The following RBFOX3 variants were observed in gnomAD, a reference collection of about 807,000 sequenced individuals.
The protein encoded by RBFOX3 is RNA binding protein fox-1 homolog 3.
Under a neutral mutation model 48.7 loss-of-function variants are expected in RBFOX3, and 17 were observed. The ratio of observed to expected loss-of-function variants is 0.35; its 90% confidence interval spans 0.24 to 0.52. The LOEUF is 0.52. Ranked by LOEUF, RBFOX3 falls within the 20% of genes least tolerant of loss-of-function variation. The pLI is 0.94. For synonymous variants in RBFOX3, 212 were observed against 209.5 expected, an observed-to-expected ratio of 1.01 and a Z score of -0.10; for missense variants, 382 against 497.5, an observed-to-expected ratio of 0.77 and a Z score of 2.21.
At chr17:79,160,143 A>T (rs77688980) in intron 4 of RBFOX3, among the ~76,000 whole-genome samples, 39,690 of 152,224 alleles carry the variant, frequency 0.26, 5,418 homozygotes, top group African/African-American at 0.36. Flanking sequence ...CTGTGAGTAG[A>T]TGAAGCTGGG....
At chr17:79,234,721 C>CTGTTTTTTTTT (rs2061429492) in intron 4 of RBFOX3, 1 of 61,828 alleles carries the variant, frequency 1.6e-5, no homozygotes, top group African/African-American at 8.0e-5. Context: ...GCATTAAGTG[C>CTGTTTTTTTTT]TTTTTTTTTT....
chr17:79,322,858 G>A (rs1421555765), intron 2 of RBFOX3, among the ~76,000 whole-genome samples: 34 of 152,216 alleles, frequency 2.2e-4, no homozygotes. Context: ...CCCAGAAGTT[G>A]CCTTCCCAGC....
chr17:79,429,018 C>A (rs1281079843), intron 2 of RBFOX3, among the ~76,000 whole-genome samples: 1 of 152,218 alleles, frequency 6.6e-6, no homozygotes, highest in African/African-American at 2.4e-5. Context: ...AGTGACTCCC[C>A]CAGAGAGACT....
intron 5 of RBFOX3, among the ~76,000 whole-genome samples, chr17:79,109,171 G>T (rs1209044261): frequency 6.6e-6 from 1 of 152,200 alleles, no homozygotes; most frequent in Non-Finnish European, 1.5e-5. Flanking sequence ...GTGGAAAATG[G>T]TCATGGCTCT....
chr17:79,536,048 G>C (rs782673314), intron 1 of RBFOX3, among the ~76,000 whole-genome samples: 7 of 152,168 alleles, frequency 4.6e-5, no homozygotes, highest in Non-Finnish European at 1.0e-4. Flanking sequence ...GGTCTCACAG[G>C]GGGCTGGGGA....
chr17:79,133,915 C>T (rs955240636), intron 4 of RBFOX3, among the ~76,000 whole-genome samples: 2 of 152,336 alleles, frequency 1.3e-5, no homozygotes, highest in East Asian at 3.9e-4. Context: ...GTTCCAGGGC[C>T]GCTTGCTCTG....
rs373699763 is a variant in RBFOX3, at chr17:79,257,581, CT to C, written c.-73-21777del. On this transcript the variant is annotated intron_variant, in intron 3 of 14. Coordinates refer to ENST00000693108, the MANE Select transcript of RBFOX3 (RefSeq NM_001350451.2). Reference sequence around the variant, plus strand: ...CCTGAGTCCTTCTCACTGTTCTTTGCTTTTTTTTTCCCCCTCTGAGACAGAG... The same window carrying C: ...CCTGAGTCCTTCTCACTGTTCTTTGCTTTTTTTTCCCCCTCTGAGACAGAG... Among the ~76,000 whole-genome samples the C allele has an allele frequency of 5.0e-3, 752 of 151,802 alleles. 4 individuals carry two copies. Among genetic ancestry groups the C allele is most frequent in the African/African-American group, 0.015 (616 of 41,426 alleles).
At chr17:79,165,836 G>T (rs1315307526) in intron 4 of RBFOX3, among the ~76,000 whole-genome samples, 1 of 152,238 alleles carries the variant, frequency 6.6e-6, no homozygotes, top group Admixed American at 6.5e-5. Flanking sequence ...CACCCCAAAG[G>T]AGGGCAGGGC....
At chr17:79,138,693 C>A in intron 4 of RBFOX3, among the ~76,000 whole-genome samples, 1 of 146,282 alleles carries the variant, frequency 6.8e-6, no homozygotes, top group African/African-American at 2.5e-5. Flanking sequence ...TACACATGGA[C>A]ACAGCACATG....
At chr17:79,270,570 C>A (rs927573422) in intron 3 of RBFOX3, among the ~76,000 whole-genome samples, 7 of 152,212 alleles carry the variant, frequency 4.6e-5, no homozygotes, top group Admixed American at 4.6e-4. Context: ...GAACAAGGGC[C>A]GCCATTTCTC....
chr17:79,332,497 G>T (rs1293255163), intron 2 of RBFOX3, among the ~76,000 whole-genome samples: 1 of 145,568 alleles, frequency 6.9e-6, no homozygotes, highest in African/African-American at 2.5e-5. Context: ...GAGAGACGGG[G>T]TGCAGAGGGG....
chr17:79,360,175 A>G (rs567126252), intron 2 of RBFOX3, among the ~76,000 whole-genome samples: 2 of 152,238 alleles, frequency 1.3e-5, no homozygotes, highest in South Asian at 2.1e-4. Flanking sequence ...AAAATACTTC[A>G]TGGTACTGGA....
chr17:79,190,432 C>CAAAAAAACTATAACAA (rs758526092), intron 4 of RBFOX3, among the ~76,000 whole-genome samples: 1 of 114,736 alleles, frequency 8.7e-6, no homozygotes, highest in Non-Finnish European at 1.8e-5. Context: ...AAAAAAAAAA[C>CAAAAAAACTATAACAA]AAAAAAACAG....
At chr17:79,263,432 A>T (rs1361661105) in intron 3 of RBFOX3, among the ~76,000 whole-genome samples, 1 of 152,252 alleles carries the variant, frequency 6.6e-6, no homozygotes, top group Non-Finnish European at 1.5e-5. Flanking sequence ...CTGCGGACAC[A>T]GAGGCCTTCT....
chr17:79,141,553 G>A lies in RBFOX3; in HGVS notation c.-33-25805C>T, dbSNP rs183960443. Reference sequence around the variant, plus strand: ...TTACACAGCACATCAGCAGGGGAGGGTCAGGTGGTTGGGGTGGGGCTGGGT... The same window carrying A: ...TTACACAGCACATCAGCAGGGGAGGATCAGGTGGTTGGGGTGGGGCTGGGT... On this transcript the variant is annotated intron_variant, in intron 4 of 14. Transcript: ENST00000693108. Among the ~76,000 whole-genome samples the A allele has an allele frequency of 7.9e-5, 12 of 152,176 alleles. No individual in the cohort carries two copies. In the East Asian group the frequency reaches 1.7e-3, roughly 22 times the overall value.
intron 1 of RBFOX3, among the ~76,000 whole-genome samples, chr17:79,593,329 G>A (rs1279707868): frequency 2.6e-5 from 4 of 152,142 alleles, no homozygotes; most frequent in Admixed American, 2.6e-4. Flanking sequence ...CATGCATGCC[G>A]AGTTTTTATT....
intron 2 of RBFOX3, among the ~76,000 whole-genome samples, chr17:79,422,554 G>A (rs985848893): frequency 6.6e-6 from 1 of 152,198 alleles, no homozygotes; most frequent in Non-Finnish European, 1.5e-5. Flanking sequence ...TGCGGAAGCC[G>A]CCAGGCAGAC....
At chr17:79,330,343 G>T (rs2080053970) in intron 2 of RBFOX3, among the ~76,000 whole-genome samples, 1 of 152,086 alleles carries the variant, frequency 6.6e-6, no homozygotes, top group South Asian at 2.1e-4. Context: ...GCCCTGGATG[G>T]TTCTGGAATT....
At chr17:79,440,526 G>A (rs1218258143) in intron 2 of RBFOX3, among the ~76,000 whole-genome samples, 2 of 152,138 alleles carry the variant, frequency 1.3e-5, no homozygotes, top group East Asian at 3.9e-4. Flanking sequence ...GGAGCTCCGT[G>A]ACAGCCTCTG....
Sources: allele counts gnomAD v4.1 joint callset (sites outside exome capture counted in the v4.1 genomes callset), GRCh38; gene constraint gnomAD v4.1.1; transcripts MANE v1.5; gene names NCBI Gene and HGNC (gene_info 2026-07-23, HGNC 2026-07-21).